PTPRD: variants seen among roughly 807,000 people sequenced by gnomAD.
The protein encoded by PTPRD is protein tyrosine phosphatase receptor type D, also known as receptor-type tyrosine-protein phosphatase delta.
In PTPRD, 34 loss-of-function variants were observed where a neutral mutation model predicts 214.5. The observed-to-expected ratio is 0.16, with a 90% CI of 0.12 to 0.21. The LOEUF (loss-of-function observed/expected upper bound fraction) is 0.21, where lower values mean the gene tolerates loss of function less well. Among genes scored for constraint, PTPRD ranks in the 10% least tolerant of loss-of-function variants. The pLI is 1.00. For missense variants in PTPRD, 2,545 were observed against 2,398.7 expected (o/e 1.06, Z -1.27); for synonymous variants, 1,128 against 845.7 (o/e 1.33, Z -5.79).
intron 5 of PTPRD, among the ~76,000 whole-genome samples, chr9:9,775,053 T>A (rs1277223090): frequency 2.0e-5 from 3 of 152,160 alleles, no homozygotes; most frequent in Non-Finnish European, 4.4e-5. Flanking sequence ...AGTCCCTCAT[T>A]ATTTCTGAGA....
At chr9:9,903,472 C>T (rs1011705333) in intron 5 of PTPRD, among the ~76,000 whole-genome samples, 8 of 152,042 alleles carry the variant, frequency 5.3e-5, no homozygotes, top group Non-Finnish European at 8.8e-5. Context: ...AATTCCATTA[C>T]ACACAGATCA....
chr9:9,214,209 C>A (rs1032309838), intron 9 of PTPRD, among the ~76,000 whole-genome samples: 1 of 152,184 alleles, frequency 6.6e-6, no homozygotes, highest in Non-Finnish European at 1.5e-5. Context: ...AAAAACACAG[C>A]TGTTGCGTTT....
intron 10 of PTPRD, among the ~76,000 whole-genome samples, chr9:9,163,797 A>G (rs956607921): frequency 6.6e-6 from 1 of 152,216 alleles, no homozygotes; most frequent in African/African-American, 2.4e-5. Context: ...TGTTGTCCAG[A>G]TATACTGAAC....
At chr9:8,587,567 G>C (rs565543378) in intron 14 of PTPRD, among the ~76,000 whole-genome samples, 1 of 152,216 alleles carries the variant, frequency 6.6e-6, no homozygotes, top group Admixed American at 6.5e-5. Flanking sequence ...ATTCCTTAAA[G>C]TTTCCTAATC....
chr9:10,251,201 C>T (rs372887024), intron 3 of PTPRD, among the ~76,000 whole-genome samples: 1 of 151,944 alleles, frequency 6.6e-6, no homozygotes, highest in African/African-American at 2.4e-5. Flanking sequence ...TTTGGACAAC[C>T]CTTATGTGAC....
intron 43 of PTPRD, 54 bp from the exon 44 acceptor site, chr9:8,331,790 A>AT: frequency 6.6e-7 from 1 of 1,520,252 alleles, no homozygotes; most frequent in South Asian, 1.3e-5. Context: ...AGGAGGATTC[A>AT]GCAAGCATAC....
chr9:9,931,044 TC>T (rs1489232521), intron 5 of PTPRD, among the ~76,000 whole-genome samples: 1 of 152,154 alleles, frequency 6.6e-6, no homozygotes, highest in Non-Finnish European at 1.5e-5. Context: ...TTGATTTTAA[TC>T]CCTCTAGAAA....
intron 3 of PTPRD, among the ~76,000 whole-genome samples, chr9:10,051,810 A>C (rs1272174138): frequency 7.2e-5 from 11 of 152,186 alleles, no homozygotes; most frequent in Non-Finnish European, 1.6e-4. Context: ...TTCTCTTTCA[A>C]ATATGGTTAT....
chr9:9,246,277 T>A (rs2099973032), intron 9 of PTPRD, among the ~76,000 whole-genome samples: 1 of 152,080 alleles, frequency 6.6e-6, no homozygotes, highest in Admixed American at 6.6e-5. Flanking sequence ...TTTCAGGTTT[T>A]TCTCACAATC....
intron 12 of PTPRD, chr9:8,700,718 T>C (rs2098059347): frequency 1.3e-5 from 2 of 152,180 alleles, no homozygotes; most frequent in African/African-American, 4.8e-5. Context: ...CACACACAAA[T>C]CTGAAGTTGC....
At chr9:10,425,996 T>C (rs1587944562) in intron 2 of PTPRD, among the ~76,000 whole-genome samples, 1 of 151,996 alleles carries the variant, frequency 6.6e-6, no homozygotes, top group Non-Finnish European at 1.5e-5. Flanking sequence ...TATAAGGAAG[T>C]ATATATACAT....
chr9:8,927,960 G>A (rs926221504), intron 11 of PTPRD, among the ~76,000 whole-genome samples: 1 of 152,304 alleles, frequency 6.6e-6, no homozygotes, highest in South Asian at 2.1e-4. Context: ...AATGACCAGT[G>A]ATGATGAGCT....
chr9:8,770,092 C>T (rs750740527), intron 11 of PTPRD, among the ~76,000 whole-genome samples: 10 of 152,042 alleles, frequency 6.6e-5, no homozygotes, highest in Non-Finnish European at 1.3e-4. Flanking sequence ...ACCAGCCTGA[C>T]CAACATAGTG....
At chr9:10,348,587 G>A (rs919802008) in intron 2 of PTPRD, among the ~76,000 whole-genome samples, 8 of 152,090 alleles carry the variant, frequency 5.3e-5, no homozygotes, top group African/African-American at 1.9e-4. Flanking sequence ...TATTAAAAAT[G>A]TACCTTTTAG....
At chr9:9,585,393 T>C in intron 7 of PTPRD, among the ~76,000 whole-genome samples, 1 of 152,132 alleles carries the variant, frequency 6.6e-6, no homozygotes, top group South Asian at 2.1e-4. Context: ...TCATCTTCAA[T>C]TCACATCTTA....
At chr9:9,298,391 T>G (rs1475442281) in intron 9 of PTPRD, among the ~76,000 whole-genome samples, 1 of 151,728 alleles carries the variant, frequency 6.6e-6, no homozygotes, top group Non-Finnish European at 1.5e-5. Flanking sequence ...TCATAACCTT[T>G]TCTTTTTAAA....
At chr9:9,570,829 C>A (rs984698570) in intron 8 of PTPRD, among the ~76,000 whole-genome samples, 3 of 151,446 alleles carry the variant, frequency 2.0e-5, no homozygotes. Context: ...TGAAACAAAT[C>A]CCAAGCTCTT....
At chr9:8,665,841 T>C (rs556896742) in intron 12 of PTPRD, among the ~76,000 whole-genome samples, 7 of 152,350 alleles carry the variant, frequency 4.6e-5, no homozygotes, top group East Asian at 3.9e-4. Flanking sequence ...AACAGTGTCA[T>C]TGCTACTCCT....
chr9:9,231,096 G>A (rs1279825945), intron 9 of PTPRD, among the ~76,000 whole-genome samples: 1 of 152,012 alleles, frequency 6.6e-6, no homozygotes, highest in Non-Finnish European at 1.5e-5. Flanking sequence ...TAGGAACAGA[G>A]TTAAAATGCC....
Sources: gnomAD v4.1 joint callset for allele counts (sites outside exome capture counted in the v4.1 genomes callset) on GRCh38, gnomAD v4.1.1 for gene constraint, MANE v1.5 for transcripts, NCBI Gene and HGNC (gene_info 2026-07-23, HGNC 2026-07-21) for gene names.